AKAP7: variants seen among roughly 807,000 people sequenced by gnomAD.
AKAP7 encodes A-kinase anchoring protein 7.
A neutral mutation model predicts 39.5 loss-of-function variants in AKAP7; 39 were observed. That is an observed-to-expected ratio of 0.99 (90% confidence interval 0.76 to 1.29). AKAP7 has a LOEUF of 1.29. AKAP7 is among the 50% of genes most tolerant of loss of function. The pLI, the probability that AKAP7 is intolerant of heterozygous loss-of-function variation, is 0.00. For missense variants in AKAP7, 414 were observed against 407.7 expected (o/e 1.02, Z -0.13); for synonymous variants, 140 against 139.1 (o/e 1.01, Z -0.05).
Position 131,281,892 on chromosome 6 carries a change from A to G in AKAP7, c.*166A>G, listed in dbSNP as rs1815229200. 2 of 1,263,510 alleles carry G rather than the reference A, an allele frequency of 1.6e-6. No homozygotes were observed. Among genetic ancestry groups the G allele is most frequent in the Non-Finnish European group, 2.0e-6 (2 of 1,001,146 alleles). 78.3% of individuals were successfully genotyped at this position (1,263,510 alleles called of 1,614,324 possible). ...CGATGTGTTCGCATTGCTGAAACAC[A>G]ACAGAAGAAAAATGGAGTGCTGGGA... On this transcript the variant is annotated 3_prime_UTR_variant, in exon 8 of 8. Transcript: ENST00000431975. The surrounding 1 kb of genome is among the most constrained non-coding windows in gnomAD (Gnocchi z 4.0).
At chr6:131,271,070 G>C (rs1814234696) in intron 7 of AKAP7, among the ~76,000 whole-genome samples, 1 of 152,122 alleles carries the variant, frequency 6.6e-6, no homozygotes, top group South Asian at 2.1e-4. Context: ...TTTACATTTT[G>C]ATGAAGTTCA....
At chr6:131,250,044 C>A in intron 7 of AKAP7, 1 of 390,824 alleles carries the variant, frequency 2.6e-6, no homozygotes, top group Non-Finnish European at 3.5e-6. Context: ...CAGTGTTCTG[C>A]TATGTTGGGT....
At chr6:131,257,301 G>A (rs1469050260) in intron 7 of AKAP7, among the ~76,000 whole-genome samples, 3 of 150,936 alleles carry the variant, frequency 2.0e-5, no homozygotes, top group Non-Finnish European at 2.9e-5. Flanking sequence ...CCAACTACTC[G>A]GGAGGCTGAA....
intron 1 of AKAP7, among the ~76,000 whole-genome samples, chr6:131,139,293 T>G (rs1800830411): frequency 6.6e-6 from 1 of 152,198 alleles, no homozygotes; most frequent in South Asian, 2.1e-4. Context: ...AATTCCTATC[T>G]CAAAAATTGT....
chr6:131,206,947 G>T (rs1410732044), intron 6 of AKAP7, among the ~76,000 whole-genome samples: 1 of 152,050 alleles, frequency 6.6e-6, no homozygotes, highest in Non-Finnish European at 1.5e-5. Context: ...CTTCTTAAAG[G>T]AATCCCTGTA....
At chr6:131,154,467 T>TG (rs1491476532) in intron 2 of AKAP7, among the ~76,000 whole-genome samples, 1 of 113,740 alleles carries the variant, frequency 8.8e-6, no homozygotes, top group Non-Finnish European at 1.8e-5. Context: ...TCCCTGTCCC[T>TG]GTTTTTTTTT....
At chr6:131,159,899 T>C (rs369206542) in intron 2 of AKAP7, among the ~76,000 whole-genome samples, 160 bp from the exon 3 acceptor site, 2 of 152,240 alleles carry the variant, frequency 1.3e-5, no homozygotes, top group South Asian at 2.1e-4. Context: ...CCTAAACTAT[T>C]TACTATGAGG....
At chr6:131,130,781 T>C (rs1800308976), upstream of AKAP7, among the ~76,000 whole-genome samples, 1 of 152,118 alleles carries the variant, frequency 6.6e-6, no homozygotes, top group African/African-American at 2.4e-5. Context: ...ATTCATTAGA[T>C]TAGTTTTGCC....
At position 131,203,495 on chromosome 6, in the gene AKAP7, G is replaced by A. The variant is rs191161441; in HGVS notation, c.702+3922G>A. Among the ~76,000 whole-genome samples the A allele has an allele frequency of 3.2e-3, 492 of 152,100 alleles. 3 individuals are homozygous for A. Among genetic ancestry groups the A allele is most frequent in the South Asian group, 4.4e-3 (21 of 4,806 alleles). On this transcript the variant is annotated intron_variant, in intron 6 of 7. Transcript: ENST00000431975. ...TGTTAGGAGATTGGACTCATTTCACGTATGTTATTCTTTATTTAAAAAGTT... is the reference window on the plus strand; with the variant it reads ...TGTTAGGAGATTGGACTCATTTCACATATGTTATTCTTTATTTAAAAAGTT...
chr6:131,171,302 TAGGA>T (rs1804022262), intron 5 of AKAP7, among the ~76,000 whole-genome samples: 1 of 152,072 alleles, frequency 6.6e-6, no homozygotes, highest in Admixed American at 6.6e-5. Context: ...AGCAGGCACA[TAGGA>T]AGGAGAAGGG....
At chr6:131,238,023 A>G (rs1811219437) in intron 7 of AKAP7, among the ~76,000 whole-genome samples, 1 of 150,874 alleles carries the variant, frequency 6.6e-6, no homozygotes, top group Non-Finnish European at 1.5e-5. Flanking sequence ...GATCTTTCCT[A>G]CTTTCTCTTG....
rs1800446571 is a variant in AKAP7, at chr6:131,135,500, G to C, written c.-264G>C. 2.0e-5 allele frequency among the ~76,000 whole-genome samples: 3 copies of C among 148,442 alleles called. No homozygotes were observed. In the South Asian group the frequency reaches 6.4e-4, roughly 32 times the overall value. On this transcript the variant is annotated 5_prime_UTR_variant, in exon 1 of 8. Transcript: ENST00000431975. Reference sequence around the variant, plus strand: ...TTCCGGCGTCCGGCCTGGCATGCGGGTGCTGCGGCTGCTGCGGCTGCCGCC... The same window carrying C: ...TTCCGGCGTCCGGCCTGGCATGCGGCTGCTGCGGCTGCTGCGGCTGCCGCC...
chr6:131,273,217 T>A (rs1814439328), intron 7 of AKAP7, among the ~76,000 whole-genome samples: 2 of 152,208 alleles, frequency 1.3e-5, no homozygotes, highest in Admixed American at 1.3e-4. Context: ...CTCTTCATAT[T>A]TGAAGTGGAT....
chr6:131,276,599 G>A (rs112055090), intron 7 of AKAP7, among the ~76,000 whole-genome samples: 6 of 151,912 alleles, frequency 3.9e-5, no homozygotes, highest in Non-Finnish European at 8.8e-5. Context: ...CTTATGCATC[G>A]GGAACAGGAA....
intron 5 of AKAP7, among the ~76,000 whole-genome samples, chr6:131,169,487 A>C (rs1803823868): frequency 6.6e-6 from 1 of 152,222 alleles, no homozygotes; most frequent in Non-Finnish European, 1.5e-5. Flanking sequence ...GAATCAATGA[A>C]TAGGAGTTAT....
intron 7 of AKAP7, among the ~76,000 whole-genome samples, chr6:131,252,431 C>T (rs1278535607): frequency 2.0e-5 from 3 of 152,154 alleles, no homozygotes; most frequent in Non-Finnish European, 4.4e-5. Context: ...TTTGTGGTTA[C>T]TTCACTGGTT....
intron 5 of AKAP7, among the ~76,000 whole-genome samples, chr6:131,188,508 AT>A (rs1415173637): frequency 1.1e-4 from 17 of 152,202 alleles, no homozygotes; most frequent in Non-Finnish European, 2.4e-4. Flanking sequence ...CATGCTTGCT[AT>A]TGTTTAATTA....
At chr6:131,238,512 A>C (rs920465728) in intron 7 of AKAP7, among the ~76,000 whole-genome samples, 11 of 152,148 alleles carry the variant, frequency 7.2e-5, no homozygotes, top group African/African-American at 2.2e-4. Flanking sequence ...GGGGTGTTAA[A>C]GTCTCCCATT....
At chr6:131,215,486 GAGCTGAGGGAAGGCTGC>G (rs1317801974) in intron 6 of AKAP7, among the ~76,000 whole-genome samples, 14 of 152,340 alleles carry the variant, frequency 9.2e-5, no homozygotes, top group East Asian at 1.9e-4. Context: ...TGACTCAGAG[GAGCTGAGGGAAGGCTGC>G]AGCTGAGGGA....
Sources: gnomAD v4.1 joint callset for allele counts (sites outside exome capture counted in the v4.1 genomes callset) on GRCh38, gnomAD v4.1.1 for gene constraint, Gnocchi (gnomAD v3.1) non-coding constraint, MANE v1.5 for transcripts, NCBI Gene and HGNC (gene_info 2026-07-23, HGNC 2026-07-21) for gene names.